The following PALM2AKAP2 variants were observed in gnomAD, a reference collection of about 807,000 sequenced individuals.
PALM2AKAP2 encodes PALM2 and AKAP2 fusion.
In PALM2AKAP2, 37 loss-of-function variants were observed where a neutral mutation model predicts 71.5. That is an observed-to-expected ratio of 0.52 (90% CI 0.40 to 0.68). PALM2AKAP2 has a LOEUF of 0.68. PALM2AKAP2 is among the 30% of genes least tolerant of loss of function. The pLI is 0.00. For synonymous variants in PALM2AKAP2, 468 were observed against 478.8 expected (o/e 0.98, Z 0.29); for missense variants, 1,224 against 1,191.8 (o/e 1.03, Z -0.40).
chr9:109,835,621 C>T (rs1038495004), intron 1 of PALM2AKAP2, among the ~76,000 whole-genome samples: 5 of 152,172 alleles, frequency 3.3e-5, no homozygotes, highest in Non-Finnish European at 7.3e-5. Context: ...AGGGAATTCC[C>T]TTTCCTAGCC....
At chr9:110,007,826 G>T (rs570317368) in intron 6 of PALM2AKAP2, among the ~76,000 whole-genome samples, 2 of 152,262 alleles carry the variant, frequency 1.3e-5, no homozygotes, top group East Asian at 3.9e-4. Flanking sequence ...AGGTGAAATT[G>T]CCCATTTTTG....
At chr9:109,999,436 T>A (rs896295986) in intron 6 of PALM2AKAP2, among the ~76,000 whole-genome samples, 4 of 152,020 alleles carry the variant, frequency 2.6e-5, no homozygotes, top group African/African-American at 9.7e-5. Flanking sequence ...CATGGTCTAG[T>A]CTAGTCCACC....
At chr9:110,070,155 C>T (rs916752196) in intron 1 of PALM2AKAP2, among the ~76,000 whole-genome samples, 15 of 152,214 alleles carry the variant, frequency 9.9e-5, no homozygotes, top group African/African-American at 3.6e-4. Context: ...CTTTCACCTA[C>T]TCTCATACAT....
intron 1 of PALM2AKAP2, among the ~76,000 whole-genome samples, chr9:110,106,997 G>A (rs11788194): frequency 0.073 from 11,038 of 152,214 alleles, 556 homozygotes; most frequent in South Asian, 0.12. Context: ...CCGATGGAAG[G>A]TTAAGCTGAA....
chr9:109,737,790 G>T (rs1828658925), intron 1 of PALM2AKAP2, among the ~76,000 whole-genome samples: 2 of 152,202 alleles, frequency 1.3e-5, no homozygotes, highest in Admixed American at 6.5e-5. Context: ...TGCTTTCAAA[G>T]AACCAAATTA....
chr9:109,807,762 A>C (rs964728423), intron 1 of PALM2AKAP2, among the ~76,000 whole-genome samples: 5 of 152,282 alleles, frequency 3.3e-5, no homozygotes, highest in Middle Eastern at 3.4e-3. Context: ...GTCCCGACCC[A>C]AATCTCATCT....
chr9:109,795,488 A>G (rs907210229), intron 1 of PALM2AKAP2, among the ~76,000 whole-genome samples: 5 of 152,266 alleles, frequency 3.3e-5, no homozygotes, highest in African/African-American at 1.2e-4. Context: ...AAAAAATAAA[A>G]TTAAAAAAAT....
chr9:110,121,461 C>G (rs1162684111), intron 1 of PALM2AKAP2, among the ~76,000 whole-genome samples: 1 of 152,142 alleles, frequency 6.6e-6, no homozygotes, highest in Non-Finnish European at 1.5e-5. Flanking sequence ...TGAAAAGCTG[C>G]CCCAGCTTCG....
At chr9:110,035,487 T>C (rs1441964335) in intron 7 of PALM2AKAP2, among the ~76,000 whole-genome samples, 2 of 143,370 alleles carry the variant, frequency 1.4e-5, no homozygotes, top group African/African-American at 5.3e-5. Context: ...TTGTGTGTTA[T>C]ATATAACATA....
intron 1 of PALM2AKAP2, among the ~76,000 whole-genome samples, chr9:109,864,004 C>G (rs142510214): frequency 6.6e-6 from 1 of 151,862 alleles, no homozygotes; most frequent in East Asian, 1.9e-4. Flanking sequence ...TGCTTGAACT[C>G]AGGAAGCAGA....
rs143955685 is a variant in PALM2AKAP2 at position 109,655,841 on chromosome 9, G to C, written c.5+14975G>C. On this transcript the variant is annotated intron_variant, in intron 1 of 6. Transcript: ENST00000374531. ...TTTTATTATTCATTCATCTATTGAT[G>C]GACATTTGGGTTGTTTCCCCCTTTT... Among the ~76,000 whole-genome samples, 895 of 152,262 alleles carry C rather than the reference G, an allele frequency of 5.9e-3. 11 individuals are homozygous for C. Among genetic ancestry groups the C allele is most frequent in the African/African-American group, 0.02 (851 of 41,528 alleles).
chr9:109,750,458 G>A (rs1828869568), intron 1 of PALM2AKAP2, among the ~76,000 whole-genome samples: 1 of 152,234 alleles, frequency 6.6e-6, no homozygotes, highest in African/African-American at 2.4e-5. Flanking sequence ...CTGCTACCAT[G>A]TTAAAAAAAT....
intron 1 of PALM2AKAP2, among the ~76,000 whole-genome samples, chr9:109,856,371 G>A (rs1397192691): frequency 6.6e-6 from 1 of 152,238 alleles, no homozygotes; most frequent in African/African-American, 2.4e-5. Flanking sequence ...TGCAAAGAAT[G>A]TGGTGGGATT....
chr9:109,938,415 A>G (rs966334215), intron 6 of PALM2AKAP2, among the ~76,000 whole-genome samples: 1 of 152,190 alleles, frequency 6.6e-6, no homozygotes, highest in African/African-American at 2.4e-5. Flanking sequence ...CACACTCTTA[A>G]GTGTGATTTG....
At chr9:110,005,520 G>A (rs1441517561) in intron 6 of PALM2AKAP2, among the ~76,000 whole-genome samples, 1 of 152,234 alleles carries the variant, frequency 6.6e-6, no homozygotes, top group Non-Finnish European at 1.5e-5. Flanking sequence ...ATCTCCAGCT[G>A]TGTGCTGGGA....
exon 4 of PALM2AKAP2, chr9:110,168,759 A>G (rs887614466): frequency 5.7e-5 from 23 of 400,404 alleles, no homozygotes; most frequent in Non-Finnish European, 9.9e-5. Context: ...GCCAATCTAC[A>G]ATGGATCCAA....
chr9:110,116,166 A>G (rs1835356330), intron 1 of PALM2AKAP2, among the ~76,000 whole-genome samples: 1 of 152,224 alleles, frequency 6.6e-6, no homozygotes, highest in Non-Finnish European at 1.5e-5. Flanking sequence ...ATCAGTATGG[A>G]ATTTGGGATT....
At chr9:109,926,365 G>A (rs1830956022) in intron 5 of PALM2AKAP2, among the ~76,000 whole-genome samples, 1 of 152,146 alleles carries the variant, frequency 6.6e-6, no homozygotes, top group Non-Finnish European at 1.5e-5. Context: ...CATGCTCTGA[G>A]TACATGTAGG....
In PALM2AKAP2 at chr9:109,863,421, G is replaced by A. The variant is rs1829366252; in HGVS notation, c.46-4070G>A. ...GAAACATAGAAGAAGGAACAGGTGT[G>A]AAGGTAGAGGGTGGGGGATTGCTTG... On this transcript the variant is annotated intron_variant, in intron 1 of 9. Transcript: ENST00000302798. Among the ~76,000 whole-genome samples the A allele has an allele frequency of 2.0e-5, 3 of 152,232 alleles. No individual in the cohort carries two copies. The South Asian group carries it at 6.2e-4, about 32-fold the overall frequency.
Sources: gnomAD v4.1 joint callset for allele counts (sites outside exome capture counted in the v4.1 genomes callset) on GRCh38, gnomAD v4.1.1 for gene constraint, MANE v1.5 for transcripts, NCBI Gene and HGNC (gene_info 2026-07-23, HGNC 2026-07-21) for gene names.